The following TEX11 variants were observed in gnomAD, a reference collection of about 807,000 sequenced individuals.
The protein encoded by TEX11 is testis-expressed protein 11.
Under a neutral mutation model 84.4 loss-of-function variants are expected in TEX11, and 7 were observed. The ratio of observed to expected loss-of-function variants is 0.08; its 90% CI spans 0.05 to 0.16. The LOEUF is 0.16. TEX11 is among the 10% of genes least tolerant of loss of function. The pLI is 1.00. For synonymous variants in TEX11, 264 were observed against 222.8 expected (o/e 1.18, Z -1.64); for missense variants, 551 against 660.5 (o/e 0.83, Z 1.82).
intron 17 of TEX11, among the ~76,000 whole-genome samples, chrX:70,632,788 T>C (rs774139423): frequency 2.7e-5 from 3 of 111,408 alleles, no homozygotes; most frequent in Non-Finnish European, 3.8e-5. Context: ...GGGGATATTA[T>C]GAACAACTTT....
chrX:70,693,069 C>T (rs1603223865), intron 13 of TEX11, among the ~76,000 whole-genome samples: 6 of 110,910 alleles, frequency 5.4e-5, no homozygotes, highest in South Asian at 7.7e-4. Context: ...GGTGAAACCC[C>T]GTATCTACTA....
intron 8 of TEX11, among the ~76,000 whole-genome samples, chrX:70,832,624 C>T (rs778819480): frequency 9.0e-6 from 1 of 111,612 alleles, no homozygotes; most frequent in Non-Finnish European, 1.9e-5. Flanking sequence ...CCCTAATATC[C>T]AATTATATCT....
At chrX:70,540,412 G>T (rs1283373413) in intron 28 of TEX11, among the ~76,000 whole-genome samples, 3 of 111,446 alleles carry the variant, frequency 2.7e-5, no homozygotes, top group Non-Finnish European at 3.8e-5. Context: ...CAAAGCTAAA[G>T]ATCTGTACCC....
chrX:70,544,516 T>C (rs2088088833), intron 28 of TEX11, among the ~76,000 whole-genome samples: 1 of 110,512 alleles, frequency 9.0e-6, no homozygotes, highest in East Asian at 2.9e-4. Context: ...GACAGAGACT[T>C]TGTCTCAAAA....
intron 9 of TEX11, among the ~76,000 whole-genome samples, chrX:70,804,624 A>G (rs1004269314): frequency 2.7e-5 from 3 of 112,057 alleles, no homozygotes; most frequent in Non-Finnish European, 5.6e-5. Context: ...CTGGTGCTAT[A>G]TAAATTTGTT....
chrX:70,771,547 A>T (rs765033584), intron 9 of TEX11, among the ~76,000 whole-genome samples: 12 of 111,481 alleles, frequency 1.1e-4, no homozygotes, highest in Non-Finnish European at 1.9e-4. Flanking sequence ...AAAAAAACTT[A>T]AAAAAAACTC....
chrX:70,544,530 A>G (rs1198664657), intron 28 of TEX11, among the ~76,000 whole-genome samples: 2 of 111,071 alleles, frequency 1.8e-5, no homozygotes, highest in African/African-American at 6.6e-5. Context: ...CTCAAAAAAT[A>G]TATAAATATA....
chrX:70,604,969 A>G (rs2089178684), intron 24 of TEX11, among the ~76,000 whole-genome samples: 1 of 111,467 alleles, frequency 9.0e-6, no homozygotes, highest in African/African-American at 3.3e-5. Context: ...AGGATGTGGG[A>G]AAAAGAAAGC....
chrX:70,689,800 A>G (rs1454324255), intron 13 of TEX11, among the ~76,000 whole-genome samples: 1 of 112,140 alleles, frequency 8.9e-6, no homozygotes, highest in African/African-American at 3.2e-5. Flanking sequence ...GCAGGGGAGC[A>G]TAACTCCACA....
intron 13 of TEX11, among the ~76,000 whole-genome samples, chrX:70,693,731 A>G (rs1005721136): frequency 8.9e-6 from 1 of 111,876 alleles, no homozygotes; most frequent in Non-Finnish European, 1.9e-5. Flanking sequence ...TAACAATAAT[A>G]TATTATGTAC....
At chrX:70,838,657 A>G (rs1265413983) in intron 7 of TEX11, among the ~76,000 whole-genome samples, 1 of 110,797 alleles carries the variant, frequency 9.0e-6, no homozygotes, top group African/African-American at 3.3e-5. Context: ...GGGTGCAGCA[A>G]ACTGTGCGCA....
chrX:70,741,663 G>C (rs908006717), intron 10 of TEX11, among the ~76,000 whole-genome samples: 1 of 110,853 alleles, frequency 9.0e-6, no homozygotes, highest in Non-Finnish European at 1.9e-5. Flanking sequence ...TTACAATATG[G>C]AATATGAATA....
intron 9 of TEX11, among the ~76,000 whole-genome samples, chrX:70,782,046 A>C (rs1212053859): frequency 1.8e-5 from 2 of 111,678 alleles, no homozygotes; most frequent in Admixed American, 9.5e-5. Context: ...ATGAAGGAAA[A>C]AATTTTAAGG....
chrX:70,556,663 T>C (rs2088290602), intron 25 of TEX11, among the ~76,000 whole-genome samples: 1 of 111,649 alleles, frequency 9.0e-6, no homozygotes, highest in Non-Finnish European at 1.9e-5. Flanking sequence ...GTTGCTCATG[T>C]CTTCTACATC....
chrX:70,779,524 CA>C (rs1237323533), intron 9 of TEX11, among the ~76,000 whole-genome samples: 1 of 108,510 alleles, frequency 9.2e-6, no homozygotes, highest in Admixed American at 9.9e-5. Flanking sequence ...GAACAAAGCC[CA>C]AAGTTAACAG....
At chrX:70,780,503 C>T (rs977295302) in intron 9 of TEX11, among the ~76,000 whole-genome samples, 2 of 111,865 alleles carry the variant, frequency 1.8e-5, no homozygotes, top group Admixed American at 9.4e-5. Flanking sequence ...CAGGGTGGAG[C>T]GTTGACTCAT....
intron 2 of TEX11, among the ~76,000 whole-genome samples, chrX:70,885,846 G>A (rs1414676368): frequency 5.2e-5 from 5 of 97,011 alleles, no homozygotes; most frequent in Non-Finnish European, 1.0e-4. Flanking sequence ...AGCCAAGATC[G>A]AGCCACTACA....
At chrX:70,729,223 A>C (rs1368913229) in intron 11 of TEX11, among the ~76,000 whole-genome samples, 1 of 110,722 alleles carries the variant, frequency 9.0e-6, no homozygotes, top group African/African-American at 3.3e-5. Flanking sequence ...AAAACAGAGC[A>C]GAAAAACTGG....
At chrX:70,707,381 G>C (rs1013546231) in intron 13 of TEX11, among the ~76,000 whole-genome samples, 7 of 110,727 alleles carry the variant, frequency 6.3e-5, no homozygotes, top group Non-Finnish European at 1.3e-4. Context: ...TTGCATAAAC[G>C]ATACTAAATA....
Sources: allele counts gnomAD v4.1 joint callset (sites outside exome capture counted in the v4.1 genomes callset), GRCh38; gene constraint gnomAD v4.1.1; transcripts MANE v1.5; gene names NCBI Gene and HGNC (gene_info 2026-07-23, HGNC 2026-07-21).